The following PSD3 variants were observed in gnomAD, a reference collection of about 807,000 sequenced individuals.
PSD3 encodes pleckstrin and Sec7 domain containing 3.
PSD3 carries 49 observed loss-of-function variants against 105.5 expected under a neutral mutation model. The observed-to-expected ratio is 0.46, with a 90% CI of 0.37 to 0.59. The LOEUF (loss-of-function observed/expected upper bound fraction) is 0.59. PSD3 is among the 20% of genes least tolerant of loss of function. PSD3 has a pLI of 0.00. For missense variants in PSD3, 1,561 were observed against 1,263.8 expected, an observed-to-expected ratio of 1.24 and a Z score of -3.57; for synonymous variants, 557 against 457.8, an observed-to-expected ratio of 1.22 and a Z score of -2.77.
intron 1 of PSD3, among the ~76,000 whole-genome samples, chr8:18,958,225 T>G (rs917653771): frequency 2.6e-5 from 4 of 152,226 alleles, no homozygotes; most frequent in Non-Finnish European, 5.9e-5. Context: ...GTTACATATA[T>G]AATAATGTAT....
intron 2 of PSD3, among the ~76,000 whole-genome samples, chr8:18,919,800 T>C (rs887016794): frequency 7.6e-6 from 1 of 130,986 alleles, no homozygotes; most frequent in Non-Finnish European, 1.5e-5. Flanking sequence ...AATTGAACAA[T>C]GAGATCACAT....
intron 8 of PSD3, among the ~76,000 whole-genome samples, chr8:18,787,683 C>T (rs1275666455): frequency 6.6e-6 from 1 of 152,124 alleles, no homozygotes; most frequent in Non-Finnish European, 1.5e-5. Flanking sequence ...GACAATATTA[C>T]CATTTTCAAA....
chr8:18,810,348 T>C lies in PSD3; in HGVS notation c.1635-5450A>G, dbSNP rs140320990. On this transcript the variant is annotated intron_variant, in intron 4 of 15. Transcript: ENST00000327040. ...GTCTTCCATGCTATGCTATCAATAATGGTATGTGGCACTAATTTTCCAATT... is the reference window on the plus strand; with the variant it reads ...GTCTTCCATGCTATGCTATCAATAACGGTATGTGGCACTAATTTTCCAATT... Among the ~76,000 whole-genome samples, 783 of 152,252 alleles carry C rather than the reference T, an allele frequency of 5.1e-3. 4 individuals carry two copies. Among genetic ancestry groups the C allele is most frequent in the South Asian group, 0.015 (74 of 4,824 alleles).
chr8:18,582,536 C>G (rs1199768048), intron 12 of PSD3, among the ~76,000 whole-genome samples: 4 of 152,086 alleles, frequency 2.6e-5, no homozygotes, highest in African/African-American at 9.7e-5. Context: ...GTGACATCAT[C>G]TACTTGCATG....
chr8:18,828,064 T>TA (rs1563319701), intron 4 of PSD3, among the ~76,000 whole-genome samples: 40 of 105,750 alleles, frequency 3.8e-4, no homozygotes, highest in African/African-American at 1.3e-3. Context: ...TATATATATA[T>TA]ATATTTTTTT....
chr8:18,655,682 G>T lies in PSD3; in HGVS notation c.2176C>A (p.Leu726Met). 6.2e-7 allele frequency: 1 copy of T among 1,613,476 alleles called. No individual in the cohort carries two copies. The highest frequency in any genetic ancestry group is 1.1e-5 in the South Asian group (1 of 91,068). The change falls in exon 10 of 16, where the codon CTG (leucine) becomes ATG (methionine). Residue 726 changes from leucine to methionine, a missense_variant. Leu to Met is a conservative substitution (Grantham distance 15). Transcript: ENST00000327040. Reference protein sequence around the residue: ...VDFSKDLLKALYNSIKNEKLE... With the variant: ...VDFSKDLLKAMYNSIKNEKLE... Reference sequence around the variant, plus strand: ...TTCTCATTCTTGATTGAGTTGTACAGAGCCTGTAAAGAGAGAAAATGAGAT... The same window carrying T: ...TTCTCATTCTTGATTGAGTTGTACATAGCCTGTAAAGAGAGAAAATGAGAT...
intron 1 of PSD3, among the ~76,000 whole-genome samples, chr8:18,936,717 C>T (rs1217039418): frequency 1.3e-5 from 2 of 150,534 alleles, no homozygotes; most frequent in Non-Finnish European, 2.9e-5. Context: ...AAGATCGTGC[C>T]ACTGCACTCC....
chr8:18,596,513 A>T (rs375323908), intron 12 of PSD3, among the ~76,000 whole-genome samples: 1 of 152,036 alleles, frequency 6.6e-6, no homozygotes, highest in East Asian at 1.9e-4. Flanking sequence ...GAAATAAAAG[A>T]AATAGAGAAA....
chr8:18,878,465 C>T (rs976733486), intron 2 of PSD3, among the ~76,000 whole-genome samples: 5 of 152,320 alleles, frequency 3.3e-5, no homozygotes, highest in Non-Finnish European at 7.3e-5. Flanking sequence ...ATTGCCTCTA[C>T]ACTGAAGTAG....
intron 1 of PSD3, among the ~76,000 whole-genome samples, chr8:18,958,635 A>C (rs1823724062): frequency 6.6e-6 from 1 of 152,220 alleles, no homozygotes; most frequent in African/African-American, 2.4e-5. Flanking sequence ...AAGAATGCCA[A>C]GCTGTTTTAA....
intron 9 of PSD3, among the ~76,000 whole-genome samples, chr8:18,744,080 A>G (rs540194592): frequency 1.3e-3 from 198 of 151,870 alleles, no homozygotes; most frequent in African/African-American, 4.6e-3. Context: ...TATGAATTTT[A>G]ACATAAATGG....
chr8:18,904,921 T>A (rs571992577), intron 2 of PSD3, among the ~76,000 whole-genome samples: 1 of 152,222 alleles, frequency 6.6e-6, no homozygotes, highest in Admixed American at 6.5e-5. Context: ...TAACTTGTTA[T>A]TCAAGAACTT....
intron 12 of PSD3, among the ~76,000 whole-genome samples, chr8:18,587,556 G>A (rs893711312): frequency 1.3e-5 from 2 of 152,060 alleles, no homozygotes; most frequent in African/African-American, 4.8e-5. Context: ...TTGCTAAAAT[G>A]CTTTTTCTCG....
In PSD3 at chr8:18,804,356, A is replaced by G. The variant is rs555561117; in HGVS notation, c.1910+166T>C. On this transcript the variant is annotated intron_variant, in intron 6 of 15. Transcript: ENST00000327040. ...AACATCTCTAAACCTGACAAAATCC[A>G]AAATCCACAACACTTATGGACCCAA... 3.5e-4 allele frequency: 211 copies of G among 597,866 alleles called. 3 individuals are homozygous for G. The South Asian group carries it at 4.8e-3, about 14-fold the overall frequency. The allele number at this position is 597,866 out of a possible 1,614,324, so 37.0% of individuals were successfully genotyped here. A position where few individuals can be genotyped will look rare whatever the true frequency, so the allele number is the denominator to read the frequency against.
chr8:19,049,298 C>T (rs991152786), intron 1 of PSD3, among the ~76,000 whole-genome samples: 14 of 152,154 alleles, frequency 9.2e-5, no homozygotes, highest in African/African-American at 3.4e-4. Context: ...CGTAGTCCTA[C>T]ACACAAGGAA....
At position 18,598,930 on chromosome 8, in the gene PSD3, A is replaced by T. The variant is rs578062661; in HGVS notation, c.2481+1434T>A. On this transcript the variant is annotated intron_variant, in intron 12 of 15. Coordinates refer to ENST00000327040, the MANE Select transcript of PSD3 (RefSeq NM_015310.4). ...ATGAAAAGACATTCCATCTTCAGGG[A>T]TTCAGGATTCAAAGATTTAACATTA... Among the ~76,000 whole-genome samples the T allele has an allele frequency of 4.6e-5, 7 of 152,274 alleles. No homozygotes were observed. The East Asian group carries it at 1.3e-3, about 29-fold the overall frequency.
At chr8:18,590,447 A>C (rs937996458) in intron 12 of PSD3, among the ~76,000 whole-genome samples, 3 of 152,212 alleles carry the variant, frequency 2.0e-5, no homozygotes, top group African/African-American at 7.2e-5. Context: ...TTCAAAATGA[A>C]TCCTTTCAGA....
At chr8:18,924,934 ACATGG>A (rs1289782677) in intron 2 of PSD3, 4 of 152,242 alleles carry the variant, frequency 2.6e-5, no homozygotes, top group African/African-American at 9.6e-5. Flanking sequence ...CTAAGACATG[ACATGG>A]GAAGTACAAG....
intron 15 of PSD3, among the ~76,000 whole-genome samples, chr8:18,546,082 C>T: frequency 6.6e-6 from 1 of 152,182 alleles, no homozygotes; most frequent in East Asian, 1.9e-4. Flanking sequence ...CTCACTGCAA[C>T]CTCCACCTCC....
Sources: gnomAD v4.1 joint callset for allele counts (sites outside exome capture counted in the v4.1 genomes callset) on GRCh38, gnomAD v4.1.1 for gene constraint, MANE v1.5 for transcripts, NCBI Gene and HGNC (gene_info 2026-07-23, HGNC 2026-07-21) for gene names.